Variants in MMP26 observed in about 807,000 individuals in gnomAD.
The protein encoded by MMP26 is matrix metalloproteinase-26.
MMP26 carries 33 observed loss-of-function variants against 31.0 expected under a neutral mutation model. The ratio of observed to expected loss-of-function variants is 1.06; its 90% CI spans 0.81 to 1.42. The LOEUF (loss-of-function observed/expected upper bound fraction) is 1.42. Among genes scored for constraint, MMP26 ranks in the 40% most tolerant of loss-of-function variants. The pLI is 0.00. For missense variants in MMP26, 347 were observed against 316.1 expected, an observed-to-expected ratio of 1.10 and a Z score of -0.74; for synonymous variants, 122 against 114.9, an observed-to-expected ratio of 1.06 and a Z score of -0.40.
At chr11:4,755,408 A>G (rs937750700) in intron 1 of MMP26, among the ~76,000 whole-genome samples, 1 of 152,018 alleles carries the variant, frequency 6.6e-6, no homozygotes, top group Admixed American at 6.6e-5. Flanking sequence ...TATACTAAGG[A>G]ATGTGGAGTC....
rs201626472 is a variant in MMP26 at position 4,942,089 on chromosome 11, C to CAAAAAAAAAAAAAAAAAAAAAAAA, written c.-144-45958_-144-45957insAAAAAAAAAAAAAAAAAAAAAAAA. 3.7e-3 allele frequency among the ~76,000 whole-genome samples: 139 copies of CAAAAAAAAAAAAAAAAAAAAAAAA among 37,090 alleles called. 9 individuals are homozygous for CAAAAAAAAAAAAAAAAAAAAAAAA. Among genetic ancestry groups the CAAAAAAAAAAAAAAAAAAAAAAAA allele is most frequent in the East Asian group, 5.4e-3 (8 of 1,488 alleles). The allele number at this position is 37,090 out of a possible 152,430, so 24.3% of individuals were successfully genotyped here. A position where few individuals can be genotyped will look rare whatever the true frequency, so the allele number is the denominator to read the frequency against. On this transcript the variant is annotated intron_variant, in intron 2 of 7. Coordinates refer to ENST00000380390, the MANE Select transcript of MMP26 (RefSeq NM_021801.5). ...TGGGCAGCAGAATGAGAGTCCATCTCAAAAAAAAAAAAAAAAAAAAAGGAA... is the reference window on the plus strand; with the variant it reads ...TGGGCAGCAGAATGAGAGTCCATCTCAAAAAAAAAAAAAAAAAAAAAAAAAAAAAAAAAAAAAAAAAAAAAGGAA...
intron 2 of MMP26, chr11:4,924,336 T>C: frequency 6.3e-7 from 1 of 1,599,088 alleles, no homozygotes; most frequent in Non-Finnish European, 8.5e-7. Flanking sequence ...AGAAGAATTG[T>C]CATAGCTTTA....
chr11:4,758,774 A>G (rs1848535870), intron 1 of MMP26, among the ~76,000 whole-genome samples: 1 of 152,202 alleles, frequency 6.6e-6, no homozygotes, highest in South Asian at 2.1e-4. Flanking sequence ...AAGCATATAT[A>G]ACATTCAATT....
At position 4,727,047 on chromosome 11, in the gene MMP26, T is replaced by TA. The variant is rs535028201; in HGVS notation, c.-217+22008dup. Among the ~76,000 whole-genome samples the TA allele has an allele frequency of 7.2e-3, 1,102 of 152,094 alleles. 7 individuals carry two copies. The highest frequency in any genetic ancestry group is 0.02 in the Middle Eastern group (6 of 294). On this transcript the variant is annotated intron_variant, in intron 1 of 7. Transcript: ENST00000380390. ...AAACAAAACAAAAAACAAAAATCCGTAAAAAACAAGTAAGACTTTCTATTT... is the reference window on the plus strand; with the variant it reads ...AAACAAAACAAAAAACAAAAATCCGTAAAAAAACAAGTAAGACTTTCTATTT...
At chr11:4,820,744 T>C (rs1849484883) in intron 2 of MMP26, among the ~76,000 whole-genome samples, 1 of 152,148 alleles carries the variant, frequency 6.6e-6, no homozygotes, top group African/African-American at 2.4e-5. Context: ...CATTGGGTGA[T>C]TAATTGCTGA....
In MMP26 at chr11:4,838,473, A is replaced by T. The variant is rs1434461455; in HGVS notation, c.-145+71132A>T. Among the ~76,000 whole-genome samples the T allele has an allele frequency of 3.9e-5, 6 of 152,140 alleles. 1 individual carries two copies. In the South Asian group the frequency reaches 1.2e-3, roughly 32 times the overall value. ...GTGACCTGGAGATCAGTCTTTCAGA[A>T]GTAATAGCCTAAGTGTACATGGGGA... On this transcript the variant is annotated intron_variant, in intron 2 of 7. Coordinates refer to ENST00000380390, the MANE Select transcript of MMP26 (RefSeq NM_021801.5).
rs1410887610 is a variant in MMP26 at position 4,947,282 on chromosome 11, G to A, written c.-144-40786G>A. ...AAGAGAGATGGTTGGTTGCTGCTTT[G>A]GACTATAATCTGTCGTATAATACAT... On this transcript the variant is annotated intron_variant, in intron 2 of 7. Coordinates refer to ENST00000380390, the MANE Select transcript of MMP26 (RefSeq NM_021801.5). 2.8e-5 allele frequency: 13 copies of A among 462,582 alleles called. 4 individuals carry two copies. The highest frequency in any genetic ancestry group is 5.1e-5 in the Non-Finnish European group (13 of 255,614). The allele number at this position is 462,582 out of a possible 1,614,324, so 28.7% of individuals were successfully genotyped here. A position where few individuals can be genotyped will look rare whatever the true frequency, so the allele number is the denominator to read the frequency against.
intron 2 of MMP26, among the ~76,000 whole-genome samples, chr11:4,893,009 GA>G (rs1850649769): frequency 6.6e-6 from 1 of 151,984 alleles, no homozygotes; most frequent in Non-Finnish European, 1.5e-5. Flanking sequence ...GGAAGATTTT[GA>G]AATTCTGCTT....
At chr11:4,932,393 A>G (rs61880595) in intron 2 of MMP26, among the ~76,000 whole-genome samples, 3,305 of 152,244 alleles carry the variant, frequency 0.022, 68 homozygotes, top group Non-Finnish European at 0.035. Context: ...GTCCTTAACA[A>G]GACTAGAAGG....
intron 2 of MMP26, among the ~76,000 whole-genome samples, chr11:4,923,021 T>C (rs552248104): frequency 1.3e-5 from 2 of 152,340 alleles, no homozygotes; most frequent in African/African-American, 4.8e-5. Flanking sequence ...GGCCAGAGAA[T>C]TGAAAGATGA....
intron 2 of MMP26, among the ~76,000 whole-genome samples, chr11:4,960,132 T>G (rs1300747988): frequency 6.7e-6 from 1 of 150,016 alleles, no homozygotes; most frequent in Non-Finnish European, 1.5e-5. Flanking sequence ...AATAAAATTT[T>G]GAAGCAAATG....
chr11:4,745,802 T>A (rs918121406), intron 1 of MMP26, among the ~76,000 whole-genome samples: 3 of 152,226 alleles, frequency 2.0e-5, no homozygotes, highest in Non-Finnish European at 4.4e-5. Context: ...CATTGATTTT[T>A]ATAATATCTC....
chr11:4,988,789 AT>A (rs1479414667), intron 3 of MMP26, among the ~76,000 whole-genome samples: 1 of 152,236 alleles, frequency 6.6e-6, no homozygotes, highest in Non-Finnish European at 1.5e-5. Flanking sequence ...TACCTAAAAA[AT>A]GTTATAACTG....
At chr11:4,855,699 T>C (rs1408707014) in intron 2 of MMP26, among the ~76,000 whole-genome samples, 2 of 152,066 alleles carry the variant, frequency 1.3e-5, no homozygotes, top group Admixed American at 6.6e-5. Context: ...AGACCAACAT[T>C]CAAATTCAGG....
chr11:4,818,481 T>C (rs1197051810), intron 2 of MMP26, among the ~76,000 whole-genome samples: 2 of 148,502 alleles, frequency 1.3e-5, no homozygotes, highest in Non-Finnish European at 2.9e-5. Context: ...TTTTCTTGAC[T>C]GTCTTTGAAA....
At chr11:4,827,228 TG>T (rs1467804757) in intron 2 of MMP26, among the ~76,000 whole-genome samples, 1 of 152,168 alleles carries the variant, frequency 6.6e-6, no homozygotes, top group East Asian at 1.9e-4. Context: ...TGTTCTATCC[TG>T]GAGAGCTTGT....
chr11:4,739,323 G>C (rs1848282721), intron 1 of MMP26, among the ~76,000 whole-genome samples: 1 of 152,116 alleles, frequency 6.6e-6, no homozygotes, highest in Non-Finnish European at 1.5e-5. Flanking sequence ...TTGCCATGCA[G>C]GTGAGGTCCT....
chr11:4,946,835 A>G, intron 2 of MMP26: 1 of 1,588,498 alleles, frequency 6.3e-7, no homozygotes, highest in Non-Finnish European at 8.6e-7. Context: ...AGGAGCATTG[A>G]ACAGGAAGAT....
At chr11:4,813,721 T>C (rs1564915947) in intron 2 of MMP26, among the ~76,000 whole-genome samples, 1 of 151,244 alleles carries the variant, frequency 6.6e-6, no homozygotes, top group East Asian at 1.9e-4. Flanking sequence ...CTTTAAAAAG[T>C]ACAGTAATAT....
Sources: gnomAD v4.1 joint callset for allele counts (sites outside exome capture counted in the v4.1 genomes callset) on GRCh38, gnomAD v4.1.1 for gene constraint, MANE v1.5 for transcripts, NCBI Gene and HGNC (gene_info 2026-07-23, HGNC 2026-07-21) for gene names.